Variants in FERMT3 observed in about 807,000 individuals in gnomAD.
The protein encoded by FERMT3 is FERM domain containing kindlin 3, also known as fermitin family homolog 3.
Under a neutral mutation model 80.8 loss-of-function variants are expected in FERMT3, and 33 were observed. That is an observed-to-expected ratio of 0.41 (90% confidence interval 0.31 to 0.55). The LOEUF (loss-of-function observed/expected upper bound fraction) is 0.55, where lower values mean the gene tolerates loss of function less well. Ranked by LOEUF, FERMT3 falls within the 20% of genes least tolerant of loss-of-function variation. FERMT3 has a pLI of 0.31. For synonymous variants in FERMT3, 375 were observed against 372.2 expected (o/e 1.01, Z -0.09); for missense variants, 754 against 908.7 (o/e 0.83, Z 2.19).
At chr11:64,220,118 T>C in intron 10 of FERMT3, 102 bp from the exon 11 acceptor site, 5 of 1,576,478 alleles carry the variant, frequency 3.2e-6, no homozygotes, top group Non-Finnish European at 4.4e-6. Context: ...CCGGGGAAGA[T>C]GCCCTCTGTC....
Position 64,210,488 on chromosome 11 carries a change from C to T in FERMT3, c.161-123C>T, listed in dbSNP as rs1034993173. On this transcript the variant is annotated intron_variant, in intron 2 of 14. Coordinates refer to ENST00000345728, the MANE Select transcript of FERMT3 (RefSeq NM_031471.6). The surrounding 1 kb of genome is among the most constrained non-coding windows in gnomAD (Gnocchi z 4.3). ...AGACCCCAGGCCCGCCCAGGCTGCC[C>T]CACTCTTGGCTTAGGCAGGGCAGGG... The T allele has an allele frequency of 2.0e-6, 2 of 989,638 alleles. No homozygotes were observed. The highest frequency in any genetic ancestry group is 1.6e-5 in the African/African-American group (1 of 62,612). The allele number at this position is 989,638 out of a possible 1,614,324, so 61.3% of individuals were successfully genotyped here.
At position 64,210,601 on chromosome 11, in the gene FERMT3, T is replaced by C. The variant is rs900849637; in HGVS notation, c.161-10T>C. ...AAGGTTGGACCCAGATGTGCCCCCGTGCCCCACAGATCGCAAGCAGGACTG... is the reference window on the plus strand; with the variant it reads ...AAGGTTGGACCCAGATGTGCCCCCGCGCCCCACAGATCGCAAGCAGGACTG... On this transcript the variant is annotated splice_polypyrimidine_tract_variant and intron_variant, in intron 2 of 14. Transcript: ENST00000345728. The surrounding 1 kb of genome is among the most constrained non-coding windows in gnomAD (Gnocchi z 4.3). The C allele has an allele frequency of 6.2e-7, 1 of 1,612,940 alleles. No individual in the cohort carries two copies. Among genetic ancestry groups the C allele is most frequent in the African/African-American group, 1.3e-5 (1 of 74,978 alleles).
At chr11:64,213,195 T>A (rs537836271) in intron 6 of FERMT3, among the ~76,000 whole-genome samples, 1 of 152,140 alleles carries the variant, frequency 6.6e-6, no homozygotes, top group East Asian at 1.9e-4. Context: ...CCTGGCTAAT[T>A]TTTGTATTTT....
chr11:64,211,408 C>T lies in FERMT3; in HGVS notation c.648C>T (p.Pro216=), dbSNP rs1207244405. The T allele has an allele frequency of 6.2e-7, 1 of 1,602,854 alleles. No homozygotes were observed. The change falls in exon 5 of 15, where the codon CCC becomes CCT. Residue 216 remains proline, a synonymous_variant. Transcript: ENST00000345728. This position sits in a 1 kb window ranked among gnomAD's most constrained non-coding sequence, Gnocchi z 4.7. ...TCCTGCTCCAGCGTCTGCCACGGCC[C>T]AGCTCCCTGTCAGACAAGACCCAGC... The part of the protein sequence containing the change: ...DPLLLQRLPR[P]SSLSDKTQLH...
Position 64,220,043 on chromosome 11 carries a change from G to C in FERMT3, c.1204+28G>C, listed in dbSNP as rs369817489. On this transcript the variant is annotated intron_variant, in intron 10 of 14. Coordinates refer to ENST00000345728, the MANE Select transcript of FERMT3 (RefSeq NM_031471.6). ...AAGTGCACAGGGCCAGGGGCTGGGT[G>C]GGGGGATCCCCACTTGTGGGCTAGG... The C allele has an allele frequency of 8.7e-6, 14 of 1,611,688 alleles. No individual in the cohort carries two copies. The East Asian group carries it at 1.3e-4, about 15-fold the overall frequency.
Position 64,223,756 on chromosome 11 carries a change from C to A in FERMT3, c.*264C>A. 2.5e-6 allele frequency: 2 copies of A among 814,934 alleles called. No homozygotes were observed. The highest frequency in any genetic ancestry group is 5.2e-5 in the Admixed American group (2 of 38,786). The allele number at this position is 814,934 out of a possible 1,614,324, so 50.5% of individuals were successfully genotyped here. A position where few individuals can be genotyped will look rare whatever the true frequency, so the allele number is the denominator to read the frequency against. Reference sequence around the variant, plus strand: ...GAGTGGCTGAGGCTGATACCCCTGACCTATCTGCAGTCCCCCAGCACACAA... The same window carrying A: ...GAGTGGCTGAGGCTGATACCCCTGAACTATCTGCAGTCCCCCAGCACACAA... On this transcript the variant is annotated 3_prime_UTR_variant, in exon 15 of 15. Transcript: ENST00000345728.
In FERMT3 at chr11:64,211,243, C is replaced by G. The variant is rs1323646403; in HGVS notation, c.515-32C>G. The G allele has an allele frequency of 1.9e-6, 3 of 1,612,212 alleles. No homozygotes were observed. The Admixed American group carries it at 5.0e-5, about 27-fold the overall frequency. On this transcript the variant is annotated intron_variant, in intron 4 of 14. Coordinates refer to ENST00000345728, the MANE Select transcript of FERMT3 (RefSeq NM_031471.6). The surrounding 1 kb of genome is among the most constrained non-coding windows in gnomAD (Gnocchi z 4.7). ...GCCCGTGAGTCCCAGCCCTGGGGGACAGGCCTGGTTGACTCCCAACCTGCA... is the reference window on the plus strand; with the variant it reads ...GCCCGTGAGTCCCAGCCCTGGGGGAGAGGCCTGGTTGACTCCCAACCTGCA...
At chr11:64,221,833 A>C (rs1424869572) in intron 13 of FERMT3, among the ~76,000 whole-genome samples, 1 of 152,130 alleles carries the variant, frequency 6.6e-6, no homozygotes, top group Non-Finnish European at 1.5e-5. Context: ...AGACTGAGGC[A>C]GGAGAATCCC....
chr11:64,219,394 G>T lies in FERMT3; in HGVS notation c.894+36G>T. 1 of 1,571,286 alleles carries T rather than the reference G, an allele frequency of 6.4e-7. No individual in the cohort carries two copies. Among genetic ancestry groups the T allele is most frequent in the Middle Eastern group, 1.7e-4 (1 of 5,984 alleles). ...GGCCTGGGGGCACCAGGGCAGGTGG[G>T]AGGTGAGCCAGTCCCAGGGCAGGAA... On this transcript the variant is annotated intron_variant, in intron 7 of 14. Coordinates refer to ENST00000345728, the MANE Select transcript of FERMT3 (RefSeq NM_031471.6). This position sits in a 1 kb window ranked among gnomAD's most constrained non-coding sequence, Gnocchi z 4.0.
chr11:64,219,169 C>A lies in FERMT3; in HGVS notation c.787-82C>A. On this transcript the variant is annotated intron_variant, in intron 6 of 14. Transcript: ENST00000345728. The surrounding 1 kb of genome is among the most constrained non-coding windows in gnomAD (Gnocchi z 4.0). ...AGGAGGGCAGGGCAGAGGGCCAAGGCTGGCAGGGGCTCAGTGCAGGGCGTC... is the reference window on the plus strand; with the variant it reads ...AGGAGGGCAGGGCAGAGGGCCAAGGATGGCAGGGGCTCAGTGCAGGGCGTC... 1 of 1,355,194 alleles carries A rather than the reference C, an allele frequency of 7.4e-7. No individual in the cohort carries two copies. Among genetic ancestry groups the A allele is most frequent in the Non-Finnish European group, 1.0e-6 (1 of 974,288 alleles). The allele number at this position is 1,355,194 out of a possible 1,614,324, so 83.9% of individuals were successfully genotyped here. A position where few individuals can be genotyped will look rare whatever the true frequency, so the allele number is the denominator to read the frequency against.
Position 64,211,156 on chromosome 11 carries a change from G to T in FERMT3, c.499G>T (p.Val167Phe), listed in dbSNP as rs1194002871. ...PEEELYDLSK[V>F]VLAGGVAPAL... ...GGAAGAGCTCTATGACTTGAGCAAGGTTGTCTTGGCTGGGGGTGAGTGCAA... is the reference window on the plus strand; with the variant it reads ...GGAAGAGCTCTATGACTTGAGCAAGTTTGTCTTGGCTGGGGGTGAGTGCAA... The change falls in exon 4 of 15, where the codon GTT (valine) becomes TTT (phenylalanine). Residue 167 changes from valine to phenylalanine, a missense_variant. By Grantham distance (50) the Val-to-Phe change is conservative. Transcript: ENST00000345728. The surrounding 1 kb of genome is among the most constrained non-coding windows in gnomAD (Gnocchi z 4.7). 2 of 1,533,116 alleles carry T rather than the reference G, an allele frequency of 1.3e-6. No individual in the cohort carries two copies. Among genetic ancestry groups the T allele is most frequent in the Admixed American group, 4.0e-5 (2 of 49,610 alleles). 95.0% of individuals were successfully genotyped at this position (1,533,116 alleles called of 1,614,324 possible).
chr11:64,212,349 C>G (rs1203496822), intron 6 of FERMT3, among the ~76,000 whole-genome samples: 1 of 152,266 alleles, frequency 6.6e-6, no homozygotes, highest in Admixed American at 6.5e-5. Flanking sequence ...CTCTCTGCCC[C>G]CTTTCTCTGC....
chr11:64,219,325 CGAG>C lies in FERMT3; in HGVS notation c.868_870del (p.Glu290del). The C allele has an allele frequency of 3.1e-6, 5 of 1,607,818 alleles. No individual in the cohort carries two copies. The highest frequency in any genetic ancestry group is 3.4e-6 in the Non-Finnish European group (4 of 1,177,376). On this transcript the variant is annotated inframe_deletion, in exon 7 of 15. Coordinates refer to ENST00000345728, the MANE Select transcript of FERMT3 (RefSeq NM_031471.6). The surrounding 1 kb of genome is among the most constrained non-coding windows in gnomAD (Gnocchi z 4.0). ...TGCTGCTGGAGGAGATTGACTGCAC[CGAG>C]GAGGAGATGATGGTGTTTGCCGCCC...
rs1565291113 is a variant in FERMT3, at chr11:64,211,770, CG to C, written c.786+26del. ...AAGGTGGGTCGGGGCAGGGAGAAAG[CG>C]GGCCTCAGGTCCATGAGATGTGGAG... is the stretch of plus-strand genomic sequence containing the variant. On this transcript the variant is annotated intron_variant, in intron 6 of 14. Transcript: ENST00000345728. This position sits in a 1 kb window ranked among gnomAD's most constrained non-coding sequence, Gnocchi z 4.7. 3.1e-6 allele frequency: 5 copies of C among 1,610,666 alleles called. No individual in the cohort carries two copies. In the Admixed American group the frequency reaches 8.3e-5, roughly 27 times the overall value.
At position 64,211,613 on chromosome 11, in the gene FERMT3, C is replaced by T; in HGVS notation, c.684-32C>T. The stretch of plus-strand genomic sequence containing the variant: ...CCCCACCCCACGGCCGTACCTGGCG[C>T]AGCCCTGACTGCTGCTTCTGCCGCG... On this transcript the variant is annotated intron_variant, in intron 5 of 14. Transcript: ENST00000345728. This position sits in a 1 kb window ranked among gnomAD's most constrained non-coding sequence, Gnocchi z 4.7. 1.2e-6 allele frequency: 2 copies of T among 1,609,408 alleles called. No homozygotes were observed. Among genetic ancestry groups the T allele is most frequent in the Non-Finnish European group, 1.7e-6 (2 of 1,178,252 alleles).
intron 13 of FERMT3, among the ~76,000 whole-genome samples, chr11:64,222,117 T>TA (rs1946699748): frequency 6.6e-6 from 1 of 150,558 alleles, no homozygotes; most frequent in African/African-American, 2.5e-5. Context: ...CAGGCGCCTA[T>TA]AATCCCAGCT....
rs753533257 is a variant in FERMT3 at position 64,219,353 on chromosome 11, C to T, written c.889C>T (p.Leu297=). ...GGAGGAGATGATGGTGTTTGCCGCCCTGCAGGTACCAGGCGGGCCTGGGGG... is the reference window on the plus strand; with the variant it reads ...GGAGGAGATGATGGTGTTTGCCGCCTTGCAGGTACCAGGCGGGCCTGGGGG... ...TEEEMMVFAA[L]QYHINKLSQS... The change falls in exon 7 of 15, where the codon CTG becomes TTG. Residue 297 remains leucine (L), a synonymous_variant. Coordinates refer to ENST00000345728, the MANE Select transcript of FERMT3 (RefSeq NM_031471.6). This position sits in a 1 kb window ranked among gnomAD's most constrained non-coding sequence, Gnocchi z 4.0. The T allele has an allele frequency of 2.5e-5, 40 of 1,597,818 alleles. No individual in the cohort carries two copies. Among genetic ancestry groups the T allele is most frequent in the Non-Finnish European group, 3.2e-5 (37 of 1,172,806 alleles).
intron 13 of FERMT3, among the ~76,000 whole-genome samples, 160 bp from the exon 14 acceptor site, chr11:64,222,888 G>A (rs975526870): frequency 6.6e-6 from 1 of 152,238 alleles, no homozygotes; most frequent in African/African-American, 2.4e-5. Flanking sequence ...ACCAGATGAG[G>A]AACTTGAGGC....
chr11:64,220,546 C>T lies in FERMT3; in HGVS notation c.1422C>T (p.Ser474=), dbSNP rs376173104. ...TGCAGGCCATCCTGGCCTTCCTCAG[C>T]CTGCAGCGCACGGGCAGTGGGGGCC... The part of the protein sequence containing the change: ...SEVQAILAFL[S]LQRTGSGGPG... The change falls in exon 12 of 15, where the codon AGC becomes AGT. Residue 474 remains serine (S), a synonymous_variant. Coordinates refer to ENST00000345728, the MANE Select transcript of FERMT3 (RefSeq NM_031471.6). 1.9e-6 allele frequency: 3 copies of T among 1,607,524 alleles called. No homozygotes were observed. The highest frequency in any genetic ancestry group is 2.7e-5 in the African/African-American group (2 of 74,900).
Sources: allele counts gnomAD v4.1 joint callset (sites outside exome capture counted in the v4.1 genomes callset), GRCh38; gene constraint gnomAD v4.1.1; non-coding constraint Gnocchi (gnomAD v3.1); transcripts MANE v1.5; gene names NCBI Gene and HGNC (gene_info 2026-07-23, HGNC 2026-07-21).